Variants in BDH1 observed in about 807,000 individuals in gnomAD.
The protein encoded by BDH1 is 3-hydroxybutyrate dehydrogenase 1.
A neutral mutation model predicts 33.1 loss-of-function variants in BDH1; 30 were observed. That is an observed-to-expected ratio of 0.91 (90% CI 0.68 to 1.23). The LOEUF (loss-of-function observed/expected upper bound fraction) is 1.23, where lower values mean the gene tolerates loss of function less well. Ranked by LOEUF, BDH1 falls within the 50% of genes most tolerant of loss-of-function variation. The pLI is 0.00. For synonymous variants in BDH1, 190 were observed against 183.6 expected (o/e 1.03, Z -0.28); for missense variants, 443 against 464.4 (o/e 0.95, Z 0.42).
chr3:197,569,878 G>A (rs914924454), intron 1 of BDH1, among the ~76,000 whole-genome samples: 2 of 152,204 alleles, frequency 1.3e-5, no homozygotes, highest in East Asian at 3.8e-4. Flanking sequence ...TGCTGTCAGG[G>A]TACCTGAAAA....
chr3:197,544,338 C>T (rs1043582160), intron 3 of BDH1, among the ~76,000 whole-genome samples: 1 of 152,196 alleles, frequency 6.6e-6, no homozygotes, highest in Non-Finnish European at 1.5e-5. Context: ...TCCAAATTCC[C>T]TTTGACAATC....
chr3:197,519,619 G>A (rs969201898), intron 6 of BDH1, among the ~76,000 whole-genome samples: 4 of 152,006 alleles, frequency 2.6e-5, no homozygotes, highest in Non-Finnish European at 4.4e-5. Flanking sequence ...AGCCGAGATC[G>A]CACCATTGCA....
chr3:197,527,731 C>T (rs536164497), intron 5 of BDH1, among the ~76,000 whole-genome samples: 1 of 152,196 alleles, frequency 6.6e-6, no homozygotes, highest in East Asian at 1.9e-4. Flanking sequence ...TCCCCTCTTC[C>T]CCTGGATTTC....
Position 197,525,538 on chromosome 3 carries a change from AG to A in BDH1, c.268-2758del, listed in dbSNP as rs1160003275. 1.3e-5 allele frequency among the ~76,000 whole-genome samples: 2 copies of A among 152,216 alleles called. No individual in the cohort carries two copies. Among genetic ancestry groups the A allele is most frequent in the East Asian group, 1.9e-4 (1 of 5,198 alleles). On this transcript the variant is annotated intron_variant, in intron 5 of 7. Transcript: ENST00000392379. The surrounding 1 kb of genome is among the most constrained non-coding windows in gnomAD (Gnocchi z 4.9). ...GAAGAGTCTTCTTTCAGAGGAAACT[AG>A]GGGATTAATCTCACTGCCCACGGCT...
At chr3:197,547,653 T>C (rs1300374910) in intron 2 of BDH1, among the ~76,000 whole-genome samples, 1 of 152,224 alleles carries the variant, frequency 6.6e-6, no homozygotes, top group Non-Finnish European at 1.5e-5. Flanking sequence ...CAAGAAACCT[T>C]TTTAACACCG....
chr3:197,569,747 T>C (rs1313825742), intron 1 of BDH1, among the ~76,000 whole-genome samples: 1 of 152,222 alleles, frequency 6.6e-6, no homozygotes, highest in Non-Finnish European at 1.5e-5. Context: ...TCCCCAGCCA[T>C]GTGGAACTGT....
chr3:197,519,828 C>T (rs368019939), intron 6 of BDH1, among the ~76,000 whole-genome samples: 1 of 152,064 alleles, frequency 6.6e-6, no homozygotes, highest in Non-Finnish European at 1.5e-5. Context: ...TGTCCCTCAG[C>T]GTCCTGCGGG....
intron 4 of BDH1, among the ~76,000 whole-genome samples, chr3:197,533,157 G>A (rs961643617): frequency 6.6e-5 from 10 of 152,164 alleles, no homozygotes; most frequent in Non-Finnish European, 1.0e-4. Context: ...GATTACAGGC[G>A]GGAGCCACCG....
In BDH1 at chr3:197,520,398, C is replaced by T. The variant is rs1351770157; in HGVS notation, c.409+2242G>A. ...AGCAGGGAAAGGTCTGCGCGTCAGG[C>T]TGGTGCTGGGGTTGGAGCCCAGATC... On this transcript the variant is annotated intron_variant, in intron 6 of 7. Transcript: ENST00000392379. The surrounding 1 kb of genome is among the most constrained non-coding windows in gnomAD (Gnocchi z 6.0). Among the ~76,000 whole-genome samples, 1 of 152,244 alleles carries T rather than the reference C, an allele frequency of 6.6e-6. No individual in the cohort carries two copies. The highest frequency in any genetic ancestry group is 1.5e-5 in the Non-Finnish European group (1 of 68,042).
intron 3 of BDH1, among the ~76,000 whole-genome samples, chr3:197,540,895 G>GC (rs892509319): frequency 1.2e-3 from 180 of 151,672 alleles, no homozygotes; most frequent in African/African-American, 2.4e-3. Context: ...CGACTCACCT[G>GC]CCCCCCCCAC....
At chr3:197,543,089 T>C in intron 3 of BDH1, 1 of 985,440 alleles carries the variant, frequency 1.0e-6, no homozygotes, top group Non-Finnish European at 1.2e-6. Context: ...GTGCCTTTTA[T>C]TGTCCCCATC....
rs1712471527 is a variant in BDH1, at chr3:197,514,459, G to C, written c.410-43C>G. 6.6e-7 allele frequency: 1 copy of C among 1,514,102 alleles called. No individual in the cohort carries two copies. The highest frequency in any genetic ancestry group is 8.9e-7 in the Non-Finnish European group (1 of 1,125,972). 93.8% of individuals were successfully genotyped at this position (1,514,102 alleles called of 1,614,324 possible). ...AGATGTGCATTTACCACATGGGCTT[G>C]GCCCAGACATTGCCCATCAGCCTGC... On this transcript the variant is annotated intron_variant, in intron 6 of 7. Transcript: ENST00000392379. This position sits in a 1 kb window ranked among gnomAD's most constrained non-coding sequence, Gnocchi z 4.2.
intron 2 of BDH1, among the ~76,000 whole-genome samples, chr3:197,553,357 C>T (rs13076254): frequency 0.13 from 19,732 of 149,618 alleles, 1,466 homozygotes; most frequent in African/African-American, 0.17. Flanking sequence ...GGTGAAACCC[C>T]GTCTCTACTA....
At chr3:197,545,943 C>G (rs1256608079) in intron 3 of BDH1, among the ~76,000 whole-genome samples, 1 of 152,138 alleles carries the variant, frequency 6.6e-6, no homozygotes, top group Non-Finnish European at 1.5e-5. Context: ...TCAAGACCAG[C>G]CTGGCCAACC....
At chr3:197,550,652 A>G (rs1278826010) in intron 2 of BDH1, among the ~76,000 whole-genome samples, 2 of 150,778 alleles carry the variant, frequency 1.3e-5, no homozygotes, top group African/African-American at 4.9e-5. Flanking sequence ...CGGCAGCTAC[A>G]CTCCACTGGG....
Position 197,532,488 on chromosome 3 carries a change from T to TCA in BDH1, c.189_190dup (p.Asp64ValfsTer25). 6.2e-7 allele frequency: 1 copy of TCA among 1,614,028 alleles called. No homozygotes were observed. The highest frequency in any genetic ancestry group is 8.5e-7 in the Non-Finnish European group (1 of 1,179,978). Reference sequence around the variant, plus strand: ...GGCCAATGAGAACCCAAATCCAGAGTCACAGCCTGTGACCAGGACAGCTTT... The same window carrying TCA: ...GGCCAATGAGAACCCAAATCCAGAGTCACACAGCCTGTGACCAGGACAGCTTT... On this transcript the variant is annotated frameshift_variant, in exon 5 of 8. Transcript: ENST00000392379. LOFTEE classifies it high-confidence loss of function.
At chr3:197,531,729 T>C (rs981685504) in intron 5 of BDH1, among the ~76,000 whole-genome samples, 1 of 152,062 alleles carries the variant, frequency 6.6e-6, no homozygotes, top group Admixed American at 6.5e-5. Context: ...GAATTCTGAG[T>C]GATGGACGTA....
chr3:197,520,057 G>A lies in BDH1; in HGVS notation c.409+2583C>T, dbSNP rs1403218113. Among the ~76,000 whole-genome samples the A allele has an allele frequency of 6.6e-6, 1 of 151,958 alleles. No individual in the cohort carries two copies. On this transcript the variant is annotated intron_variant, in intron 6 of 7. Coordinates refer to ENST00000392379, the MANE Select transcript of BDH1 (RefSeq NM_203314.3). This position sits in a 1 kb window ranked among gnomAD's most constrained non-coding sequence, Gnocchi z 6.0. ...GTGTGGGTCGGTGGCGGCCACTGCG[G>A]GTCGGAACGCTCTGGGAGGGTGCTC... is the stretch of plus-strand genomic sequence containing the variant.
In BDH1 at chr3:197,510,653, TGTGTGTG is replaced by T. The variant is rs1711871712; in HGVS notation, c.*1235_*1241del. 1.7e-5 allele frequency: 1 copy of T among 58,226 alleles called. No individual in the cohort carries two copies. The highest frequency in any genetic ancestry group is 3.7e-5 in the Non-Finnish European group (1 of 27,144). The allele number at this position is 58,226 out of a possible 1,614,324, so 3.6% of individuals were successfully genotyped here. On this transcript the variant is annotated 3_prime_UTR_variant, in exon 8 of 8. Transcript: ENST00000392379. ...GTGTGTGTGTGTGTGTGTGTGTGTG[TGTGTGTG>T]TGTGTGTGTGTACATGTGTGTAAGG... is the stretch of plus-strand genomic sequence containing the variant.
Sources: gnomAD v4.1 joint callset for allele counts (sites outside exome capture counted in the v4.1 genomes callset) on GRCh38, gnomAD v4.1.1 for gene constraint, Gnocchi (gnomAD v3.1) non-coding constraint, MANE v1.5 for transcripts, NCBI Gene and HGNC (gene_info 2026-07-23, HGNC 2026-07-21) for gene names.